Variants in RNF135 observed in about 807,000 individuals in gnomAD.
RNF135 encodes the protein ring finger protein 135.
A neutral mutation model predicts 41.9 loss-of-function variants in RNF135; 46 were observed. That is an observed-to-expected ratio of 1.10 (90% CI 0.87 to 1.40). The LOEUF is 1.40. Ranked by LOEUF, RNF135 falls within the 40% of genes most tolerant of loss-of-function variation. The probability of loss-of-function intolerance (pLI) is 0.00; values close to 1 mark genes in which losing one functional copy is unlikely to be tolerated. For synonymous variants in RNF135, 238 were observed against 223.8 expected, an observed-to-expected ratio of 1.06 and a Z score of -0.57; for missense variants, 539 against 549.8, an observed-to-expected ratio of 0.98 and a Z score of 0.20.
the RNF135 span, among the ~76,000 whole-genome samples, chr17:30,962,218 T>C: frequency 2.9e-4 from 44 of 151,774 alleles, 1 homozygote; most frequent in Admixed American, 2.9e-3. Context: ...CTGAAACCTC[T>C]GACTCCCTGG....
intron 1 of RNF135, among the ~76,000 whole-genome samples, chr17:30,979,514 G>A (rs1184402995): frequency 2.8e-4 from 26 of 93,968 alleles, no homozygotes; most frequent in African/African-American, 9.8e-4. Context: ...CCTCCCTCCC[G>A]GACGGGGCAG....
rs749893166 is a variant in RNF135 at position 30,971,313 on chromosome 17, C to G, written c.240C>G (p.Asp80Glu). 129 of 1,534,064 alleles carry G rather than the reference C, an allele frequency of 8.4e-5. No homozygotes were observed. The highest frequency in any genetic ancestry group is 1.1e-4 in the Non-Finnish European group (121 of 1,143,694). The change falls in exon 1 of 5, where the codon GAC becomes GAG. Residue 80 changes from aspartate to glutamate, a missense_variant. Transcript: ENST00000328381. Reference sequence around the variant, plus strand: ...TGCGGAAGAACACGCTACTGCAGGACCTGGCCGACAAGTACCGCCGCGCCG... The same window carrying G: ...TGCGGAAGAACACGCTACTGCAGGAGCTGGCCGACAAGTACCGCCGCGCCG... ...PHLRKNTLLQ[D>E]LADKYRRAAR...
At chr17:30,998,591 G>C in intron 4 of RNF135, 71 bp from the exon 5 acceptor site, 1 of 1,481,994 alleles carries the variant, frequency 6.7e-7, no homozygotes, top group Non-Finnish European at 9.4e-7. Flanking sequence ...GTTGCTATTT[G>C]AAGACTTCTT....
At position 30,998,903 on chromosome 17, in the gene RNF135, C is replaced by T. The variant is rs1308901795; in HGVS notation, c.1011C>T (p.Asp337=). 1 of 1,611,692 alleles carries T rather than the reference C, an allele frequency of 6.2e-7. No individual in the cohort carries two copies. Among genetic ancestry groups the T allele is most frequent in the Non-Finnish European group, 8.5e-7 (1 of 1,178,410 alleles). Residue 337 remains aspartate, a synonymous_variant, in exon 5 of 5, where the codon GAC becomes GAT. Coordinates refer to ENST00000328381, the MANE Select transcript of RNF135 (RefSeq NM_032322.4). ...VGVASWEMSR[D]QVLGRTMDSC... ...TGGCTTCCTGGGAGATGAGCCGCGA[C>T]CAGGTCCTGGGAAGGACTATGGACT...
Position 30,971,435 on chromosome 17 carries a change from A to T in RNF135, c.362A>T (p.Glu121Val), listed in dbSNP as rs1316985135. ...SAAARPRRRP[E>V]LQRVAVEKSI... is the part of the protein sequence containing the mutation. The stretch of plus-strand genomic sequence containing the variant: ...GCCGCGAGGCCCCGGCGCCGCCCGG[A>T]ACTGCAGCGGGTAGGGAGGCCGGGC... Residue 121 changes from glutamate to valine, a missense_variant, in exon 1 of 5, where the codon GAA becomes GTA. Glu to Val is a moderately radical substitution (Grantham distance 121). This residue lies in a region of RNF135 where 277 missense variants were observed against 212.8 expected (regional missense o/e 1.30). Transcript: ENST00000328381. 1 of 1,512,528 alleles carries T rather than the reference A, an allele frequency of 6.6e-7. No individual in the cohort carries two copies. Among genetic ancestry groups the T allele is most frequent in the Non-Finnish European group, 8.8e-7 (1 of 1,138,142 alleles). The allele number at this position is 1,512,528 out of a possible 1,614,324, so 93.7% of individuals were successfully genotyped here. A position where few individuals can be genotyped will look rare whatever the true frequency, so the allele number is the denominator to read the frequency against.
chr17:30,975,824 C>T, intron 1 of RNF135: 1 of 960,096 alleles, frequency 1.0e-6, no homozygotes, highest in East Asian at 2.5e-5. Context: ...CTTCGTTGGC[C>T]ACAGAATAGT....
At chr17:30,997,180 G>A (rs563303946) in intron 3 of RNF135, 62 bp from the exon 4 acceptor site, 13 of 1,255,866 alleles carry the variant, frequency 1.0e-5, no homozygotes, top group Non-Finnish European at 1.4e-5. Flanking sequence ...CATGATGTTT[G>A]GAGACCTTCA....
the RNF135 span, chr17:30,965,478 T>G: frequency 6.6e-6 from 1 of 152,138 alleles, no homozygotes. Flanking sequence ...TGTATTAAAA[T>G]AAACAATATT....
intron 1 of RNF135, chr17:30,975,482 A>G (rs1382314076): frequency 2.6e-6 from 2 of 777,242 alleles, no homozygotes; most frequent in Non-Finnish European, 4.8e-6. Flanking sequence ...AGATCTGAAC[A>G]TCTTGTTCAA....
chr17:30,988,900 G>GTT (rs1245302300), intron 3 of RNF135, among the ~76,000 whole-genome samples: 3 of 124,910 alleles, frequency 2.4e-5, no homozygotes, highest in African/African-American at 8.6e-5. Flanking sequence ...TTTTGCGTTG[G>GTT]TTTTTTTTTT....
At chr17:30,973,656 C>T (rs988658956) in intron 1 of RNF135, among the ~76,000 whole-genome samples, 4 of 151,934 alleles carry the variant, frequency 2.6e-5, no homozygotes, top group African/African-American at 4.8e-5. Context: ...TTAGTAGAGA[C>T]GGGGTTTCAC....
chr17:30,992,298 G>C (rs1421768073), intron 3 of RNF135, among the ~76,000 whole-genome samples: 1 of 151,654 alleles, frequency 6.6e-6, no homozygotes, highest in Non-Finnish European at 1.5e-5. Context: ...AAACTCTTAG[G>C]CTCAAGCAAT....
intron 4 of RNF135, among the ~76,000 whole-genome samples, chr17:30,997,968 A>G (rs1303352593): frequency 6.6e-6 from 1 of 152,254 alleles, no homozygotes; most frequent in Non-Finnish European, 1.5e-5. Context: ...TGAGTAAGAC[A>G]TGGTCCTCAA....
At chr17:30,987,553 A>T (rs535716948) in intron 2 of RNF135, among the ~76,000 whole-genome samples, 8 of 152,188 alleles carry the variant, frequency 5.3e-5, no homozygotes, top group Admixed American at 1.3e-4. Context: ...TCTGACCTCC[A>T]TGGTTTATCT....
intron 1 of RNF135, among the ~76,000 whole-genome samples, chr17:30,976,711 T>G (rs1906488952): frequency 6.6e-6 from 1 of 151,666 alleles, no homozygotes; most frequent in South Asian, 2.1e-4. Flanking sequence ...TTGTCTTTTA[T>G]TATAGATTTT....
chr17:30,986,195 G>A (rs949414627), intron 2 of RNF135, among the ~76,000 whole-genome samples: 2 of 151,546 alleles, frequency 1.3e-5, no homozygotes, highest in African/African-American at 4.8e-5. Context: ...TCAACTTCAG[G>A]AGGATAGGGA....
intron 1 of RNF135, among the ~76,000 whole-genome samples, chr17:30,977,758 G>A (rs1007597164): frequency 6.6e-6 from 1 of 151,762 alleles, no homozygotes; most frequent in Non-Finnish European, 1.5e-5. Flanking sequence ...TAGCAGAGAC[G>A]GGGTTTCACC....
At position 30,975,494 on chromosome 17, in the gene RNF135, G is replaced by A. The variant is rs963275220; in HGVS notation, c.372+4049G>A. On this transcript the variant is annotated intron_variant, in intron 1 of 4. Coordinates refer to ENST00000328381, the MANE Select transcript of RNF135 (RefSeq NM_032322.4). ...GGAAGATCTGAACATCTTGTTCAAT[G>A]AGAACCCATACCCAAACCCCTGCCC... 1.2e-5 allele frequency: 9 copies of A among 777,412 alleles called. No homozygotes were observed. In the African/African-American group the frequency reaches 1.5e-4, roughly 13 times the overall value. The allele number at this position is 777,412 out of a possible 1,614,324, so 48.2% of individuals were successfully genotyped here.
At chr17:30,983,353 A>ATATATATATATTTTTTTTTTT (rs1420453160) in intron 1 of RNF135, among the ~76,000 whole-genome samples, 2 of 35,742 alleles carry the variant, frequency 5.6e-5, no homozygotes, top group Non-Finnish European at 1.1e-4. Context: ...ATATATATAT[A>ATATATATATATTTTTTTTTTT]TTTTTTTTTT....
Sources: allele counts gnomAD v4.1 joint callset (sites outside exome capture counted in the v4.1 genomes callset), GRCh38; gene constraint gnomAD v4.1.1; regional missense constraint gnomAD v4.1.1; transcripts MANE v1.5; gene names NCBI Gene and HGNC (gene_info 2026-07-23, HGNC 2026-07-21).